Variants in HHLA1 observed in about 807,000 individuals in gnomAD.
HHLA1 encodes HHLA1 neighbor of OC90, also known as HERV-H LTR-associating protein 1.
HHLA1 carries 72 observed loss-of-function variants against 69.9 expected under a neutral mutation model. That is an observed-to-expected ratio of 1.03 (90% confidence interval 0.85 to 1.25). The LOEUF (loss-of-function observed/expected upper bound fraction) is 1.25. HHLA1 is among the 50% of genes most tolerant of loss of function. HHLA1 has a pLI of 0.00. For synonymous variants in HHLA1, 252 were observed against 233.2 expected, an observed-to-expected ratio of 1.08 and a Z score of -0.73; for missense variants, 685 against 642.2, an observed-to-expected ratio of 1.07 and a Z score of -0.72.
At chr8:132,100,696 C>T (rs1824098300) in intron 3 of HHLA1, among the ~76,000 whole-genome samples, 1 of 152,218 alleles carries the variant, frequency 6.6e-6, no homozygotes, top group African/African-American at 2.4e-5. Flanking sequence ...TGAACCCGGT[C>T]TCCAGCTCCA....
intron 10 of HHLA1, among the ~76,000 whole-genome samples, chr8:132,087,279 A>AG (rs1823879048): frequency 6.6e-6 from 1 of 152,186 alleles, no homozygotes; most frequent in Non-Finnish European, 1.5e-5. Flanking sequence ...CAGAGTGGCC[A>AG]GGTCTCCAGC....
At chr8:132,107,425 C>T (rs757083163) in intron 1 of HHLA1, among the ~76,000 whole-genome samples, 47 of 152,032 alleles carry the variant, frequency 3.1e-4, no homozygotes, top group Admixed American at 9.2e-4. Flanking sequence ...CTTAGACTCC[C>T]GAGCAGCTGG....
chr8:132,085,469 A>T (rs764518158), intron 10 of HHLA1: 7 of 390,486 alleles, frequency 1.8e-5, no homozygotes, highest in South Asian at 1.2e-4. Context: ...TCGTAGGTGG[A>T]TCTTTCTCAT....
chr8:132,070,247 T>G (rs4357268), intron 15 of HHLA1: 164,919 of 685,560 alleles, frequency 0.24, 24,902 homozygotes, highest in East Asian at 0.48. Context: ...CCAGAAGAAA[T>G]AACAGTATGT....
intron 5 of HHLA1, among the ~76,000 whole-genome samples, chr8:132,096,192 C>T (rs899684926): frequency 3.9e-5 from 6 of 152,220 alleles, no homozygotes; most frequent in Non-Finnish European, 8.8e-5. Flanking sequence ...AAAGGAGAAT[C>T]TGTTCTTGCC....
chr8:132,085,641 C>G (rs1328876522), intron 10 of HHLA1: 1 of 158,402 alleles, frequency 6.3e-6, no homozygotes, highest in East Asian at 1.9e-4. Context: ...GGGCTGAGTC[C>G]GAAAAGAGAG....
Position 132,087,853 on chromosome 8 carries a change from C to T in HHLA1, c.581G>A (p.Gly194Glu), listed in dbSNP as rs867856926. Residue 194 changes from glycine to glutamate, a missense_variant, in exon 9 of 17, where the codon GGA (glycine) becomes GAA (glutamate). Physicochemically the swap from Gly to Glu is moderately conservative, Grantham distance 98. Transcript: ENST00000414222. The part of the protein sequence containing the change: ...SDCIFICVMT[G>E]KSGRNLSDFW... ...AATGTCTAGTGGTTTACCTGACTTTCCTGTCATCACACAGATGAAGATGCA... is the reference window on the plus strand; with the variant it reads ...AATGTCTAGTGGTTTACCTGACTTTTCTGTCATCACACAGATGAAGATGCA... 2 of 1,551,522 alleles carry T rather than the reference C, an allele frequency of 1.3e-6. No homozygotes were observed. The highest frequency in any genetic ancestry group is 1.7e-6 in the Non-Finnish European group (2 of 1,146,666).
At chr8:132,099,610 T>C (rs546175188) in intron 4 of HHLA1, among the ~76,000 whole-genome samples, 1 of 152,220 alleles carries the variant, frequency 6.6e-6, no homozygotes, top group South Asian at 2.1e-4. Context: ...TCCCAGCACT[T>C]TGGGAGGCTG....
chr8:132,075,206 G>A (rs1823614948), intron 14 of HHLA1, among the ~76,000 whole-genome samples: 1 of 152,190 alleles, frequency 6.6e-6, no homozygotes, highest in Admixed American at 6.5e-5. Flanking sequence ...GATCTAAGGT[G>A]ACATGAAAAA....
chr8:132,107,394 A>G (rs1320751814), intron 1 of HHLA1, among the ~76,000 whole-genome samples: 1 of 152,032 alleles, frequency 6.6e-6, no homozygotes, highest in Non-Finnish European at 1.5e-5. Flanking sequence ...TCCGCCTCCC[A>G]GGTTCAAATG....
At chr8:132,089,971 A>G (rs997179895) in intron 7 of HHLA1, among the ~76,000 whole-genome samples, 2 of 152,194 alleles carry the variant, frequency 1.3e-5, no homozygotes, top group Non-Finnish European at 2.9e-5. Flanking sequence ...GATAGGAAGC[A>G]GCCCCACAGA....
rs138673082 is a variant in HHLA1, at chr8:132,087,672, G to T, written c.657C>A (p.Ser219Arg). 3.2e-6 allele frequency: 5 copies of T among 1,550,652 alleles called. No homozygotes were observed. Among genetic ancestry groups the T allele is most frequent in the Non-Finnish European group, 4.4e-6 (5 of 1,146,188 alleles). The change falls in exon 10 of 17, where the codon AGC (serine) becomes AGA (arginine). Residue 219 changes from serine to arginine, a missense_variant. Coordinates refer to ENST00000414222, the MANE Select transcript of HHLA1 (RefSeq NM_001145095.3). ...KYPIINYTFT[S>R]GLSGVLGAAT... Reference sequence around the variant, plus strand: ...ACTCACCCAGAACACCAGACAAGCCGCTGGTAAATGTGTAATTGATAATGG... The same window carrying T: ...ACTCACCCAGAACACCAGACAAGCCTCTGGTAAATGTGTAATTGATAATGG...
intron 2 of HHLA1, 129 bp from the exon 3 acceptor site, chr8:132,104,296 G>C (rs184718784): frequency 3.1e-6 from 2 of 640,592 alleles, no homozygotes; most frequent in East Asian, 5.5e-5. Flanking sequence ...ATTTAGTCCC[G>C]CATCTAGTTT....
chr8:132,104,353 A>G (rs6999276), intron 2 of HHLA1, among the ~76,000 whole-genome samples, 186 bp from the exon 3 acceptor site: 94,864 of 152,078 alleles, frequency 0.62, 29,681 homozygotes, highest in Middle Eastern at 0.66. Context: ...TTGACCAACT[A>G]CTAATGATGG....
At chr8:132,098,755 C>T in intron 5 of HHLA1, 127 bp downstream of exon 5, 1 of 619,256 alleles carries the variant, frequency 1.6e-6, no homozygotes. Context: ...GCCTATTCTC[C>T]ACTCTGAACA....
intron 10 of HHLA1, among the ~76,000 whole-genome samples, chr8:132,084,813 G>A (rs1239641259): frequency 6.6e-6 from 1 of 151,794 alleles, no homozygotes; most frequent in Non-Finnish European, 1.5e-5. Flanking sequence ...GAAGGGGTTG[G>A]GGCACAGAAA....
At chr8:132,100,514 C>T (rs2130898409) in intron 3 of HHLA1, among the ~76,000 whole-genome samples, 1 of 152,196 alleles carries the variant, frequency 6.6e-6, no homozygotes, top group South Asian at 2.1e-4. Context: ...AGAGCAGTGC[C>T]CAAAATATTA....
chr8:132,081,170 G>A (rs1407682133), intron 10 of HHLA1: 12 of 152,050 alleles, frequency 7.9e-5, no homozygotes, highest in Admixed American at 2.0e-4. Context: ...AGTGTAAACC[G>A]GCAGTGTAAA....
intron 8 of HHLA1, among the ~76,000 whole-genome samples, chr8:132,089,242 G>C (rs1208336081): frequency 1.3e-5 from 2 of 152,190 alleles, no homozygotes; most frequent in African/African-American, 2.4e-5. Context: ...CTACTCACCA[G>C]ATGTTTTCTT....
Sources: gnomAD v4.1 joint callset for allele counts (sites outside exome capture counted in the v4.1 genomes callset) on GRCh38, gnomAD v4.1.1 for gene constraint, MANE v1.5 for transcripts, NCBI Gene and HGNC (gene_info 2026-07-23, HGNC 2026-07-21) for gene names.